The following UBE4B variants were observed in gnomAD, a reference collection of about 807,000 sequenced individuals.
The protein encoded by UBE4B is ubiquitination factor E4B.
UBE4B carries 27 observed loss-of-function variants against 148.1 expected under a neutral mutation model. The ratio of observed to expected loss-of-function variants is 0.18; its 90% CI spans 0.13 to 0.25. UBE4B has a LOEUF of 0.25. Ranked by LOEUF, UBE4B falls within the 10% of genes least tolerant of loss-of-function variation. The probability of loss-of-function intolerance (pLI) is 1.00; values close to 1 mark genes in which losing one functional copy is unlikely to be tolerated. For missense variants in UBE4B, 1,170 were observed against 1,662.4 expected (o/e 0.70, Z 5.15); for synonymous variants, 596 against 619.3 (o/e 0.96, Z 0.56).
chr1:10,077,686 C>G (rs1250525057), intron 2 of UBE4B, among the ~76,000 whole-genome samples: 1 of 152,222 alleles, frequency 6.6e-6, no homozygotes, highest in Non-Finnish European at 1.5e-5. Context: ...TTGTTCCTCT[C>G]ACCACAACCA....
chr1:10,139,197 G>A (rs1475403667), intron 17 of UBE4B, among the ~76,000 whole-genome samples: 1 of 152,192 alleles, frequency 6.6e-6, no homozygotes, highest in Non-Finnish European at 1.5e-5. Context: ...GGAGTTGGAT[G>A]CTAGCCTGGC....
chr1:10,037,322 C>G (rs1043760495), intron 1 of UBE4B, among the ~76,000 whole-genome samples: 1 of 152,024 alleles, frequency 6.6e-6, no homozygotes, highest in Non-Finnish European at 1.5e-5. Context: ...CCACTGTGCC[C>G]GGTAGTCTTG....
intron 2 of UBE4B, among the ~76,000 whole-genome samples, chr1:10,078,726 A>G (rs893445564): frequency 6.6e-6 from 1 of 152,106 alleles, no homozygotes; most frequent in Non-Finnish European, 1.5e-5. Flanking sequence ...GAGTCCCCCA[A>G]CAGATCCTTT....
At chr1:10,153,803 G>A (rs1646020426) in intron 21 of UBE4B, among the ~76,000 whole-genome samples, 1 of 151,988 alleles carries the variant, frequency 6.6e-6, no homozygotes. Context: ...CAAAAATTAG[G>A]CCTGGCACAG....
At chr1:10,154,270 A>C (rs1250797054) in intron 21 of UBE4B, among the ~76,000 whole-genome samples, 1 of 151,436 alleles carries the variant, frequency 6.6e-6, no homozygotes, top group Non-Finnish European at 1.5e-5. Flanking sequence ...AAAACAAAAC[A>C]AAATTAGCCG....
chr1:10,099,973 T>G (rs1644982884), intron 3 of UBE4B, among the ~76,000 whole-genome samples: 1 of 152,086 alleles, frequency 6.6e-6, no homozygotes, highest in Non-Finnish European at 1.5e-5. Flanking sequence ...TTTATTTTCT[T>G]AATTAAATTT....
chr1:10,101,301 C>G (rs1227465253), intron 4 of UBE4B, 106 bp downstream of exon 4: 9 of 1,000,886 alleles, frequency 9.0e-6, no homozygotes, highest in Non-Finnish European at 1.3e-5. Context: ...TCAGGAAGTC[C>G]TAGGCAGGTG....
intron 23 of UBE4B, chr1:10,166,192 A>G (rs1571018332): frequency 6.6e-6 from 1 of 152,320 alleles, no homozygotes; most frequent in East Asian, 1.9e-4. Flanking sequence ...GCCTCTGAAC[A>G]GATGTAAGAA....
At chr1:10,038,653 C>T (rs187591479) in intron 1 of UBE4B, among the ~76,000 whole-genome samples, 1 of 152,150 alleles carries the variant, frequency 6.6e-6, no homozygotes, top group Non-Finnish European at 1.5e-5. Context: ...GTATCAACAT[C>T]CTACGTAACA....
At chr1:10,035,727 T>A (rs1195072192) in intron 1 of UBE4B, among the ~76,000 whole-genome samples, 1 of 146,858 alleles carries the variant, frequency 6.8e-6, no homozygotes, top group Non-Finnish European at 1.5e-5. Flanking sequence ...TTTTATTTTT[T>A]TTTATTTTTT....
chr1:10,177,257 C>T (rs1399430104), intron 25 of UBE4B, among the ~76,000 whole-genome samples: 3 of 151,882 alleles, frequency 2.0e-5, no homozygotes, highest in Non-Finnish European at 2.9e-5. Context: ...CAGTGGCTCA[C>T]GCCTGTAATC....
At chr1:10,103,238 ATTGT>A (rs887933485) in intron 5 of UBE4B, 146 bp downstream of exon 5, 4 of 724,090 alleles carry the variant, frequency 5.5e-6, no homozygotes, top group African/African-American at 1.8e-5. Flanking sequence ...TGAGGACACA[ATTGT>A]TTAGCCACTT....
intron 2 of UBE4B, among the ~76,000 whole-genome samples, chr1:10,075,106 A>G (rs1644556129): frequency 1.3e-5 from 2 of 152,214 alleles, no homozygotes; most frequent in South Asian, 2.1e-4. Flanking sequence ...AGGGCCAGAT[A>G]GTAAATATTT....
At chr1:10,130,664 T>G in intron 13 of UBE4B, 48 bp downstream of exon 13, 2 of 1,612,980 alleles carry the variant, frequency 1.2e-6, no homozygotes, top group Non-Finnish European at 1.7e-6. Context: ...ATTCAGATTC[T>G]TTCCCAAATG....
At chr1:10,175,621 A>C (rs529690242) in intron 25 of UBE4B, among the ~76,000 whole-genome samples, 1 of 152,268 alleles carries the variant, frequency 6.6e-6, no homozygotes, top group Admixed American at 6.5e-5. Flanking sequence ...ACTGCACTCC[A>C]GCCTGGGCGA....
rs142905956 is a variant in UBE4B at position 10,066,831 on chromosome 1, G to A, written c.25-5197G>A. On this transcript the variant is annotated intron_variant, in intron 1 of 27. Coordinates refer to ENST00000343090, the MANE Select transcript of UBE4B (RefSeq NM_001105562.3). ...TGAGACAGGAGAATGGCATGAACCC[G>A]GGAGGCAGAGGTTGCAGTGAGCCAA... Among the ~76,000 whole-genome samples the A allele has an allele frequency of 4.6e-3, 706 of 152,124 alleles. 3 individuals are homozygous for A. The highest frequency in any genetic ancestry group is 0.01 in the Middle Eastern group (3 of 294).
At chr1:10,149,419 T>C in intron 20 of UBE4B, 137 bp downstream of exon 20, 1 of 619,376 alleles carries the variant, frequency 1.6e-6, no homozygotes, top group Non-Finnish European at 2.6e-6. Context: ...GCCTAGAGAC[T>C]GGAAAAAATA....
Position 10,041,581 on chromosome 1 carries a change from C to T in UBE4B, c.24+7887C>T, listed in dbSNP as rs1206096295. Among the ~76,000 whole-genome samples the T allele has an allele frequency of 3.9e-5, 6 of 151,984 alleles. No individual in the cohort carries two copies. In the East Asian group the frequency reaches 1.2e-3, roughly 29 times the overall value. ...AACTTCTGACCTCAGGCGATCCCCC[C>T]GCCTCGGCCTTCCAAAGTGCTGGGA... On this transcript the variant is annotated intron_variant, in intron 1 of 27. Coordinates refer to ENST00000343090, the MANE Select transcript of UBE4B (RefSeq NM_001105562.3).
rs1476381211 is a variant in UBE4B at position 10,091,420 on chromosome 1, C to T, written c.212-4041C>T. Among the ~76,000 whole-genome samples the T allele has an allele frequency of 2.6e-5, 4 of 151,978 alleles. No homozygotes were observed. The East Asian group carries it at 7.7e-4, about 29-fold the overall frequency. On this transcript the variant is annotated intron_variant, in intron 2 of 27. Coordinates refer to ENST00000343090, the MANE Select transcript of UBE4B (RefSeq NM_001105562.3). Reference sequence around the variant, plus strand: ...TGATTTCTAAATAAAATCAAAGACACCATCAGGTTTTTGTGTGTGTCCTTT... The same window carrying T: ...TGATTTCTAAATAAAATCAAAGACATCATCAGGTTTTTGTGTGTGTCCTTT...
Sources: allele counts gnomAD v4.1 joint callset (sites outside exome capture counted in the v4.1 genomes callset), GRCh38; gene constraint gnomAD v4.1.1; transcripts MANE v1.5; gene names NCBI Gene and HGNC (gene_info 2026-07-23, HGNC 2026-07-21).